The following NCAPG2 variants were observed in gnomAD, a reference collection of about 807,000 sequenced individuals.
The protein encoded by NCAPG2 is non-SMC condensin II complex subunit G2, also known as condensin-2 complex subunit G2.
Under a neutral mutation model 141.1 loss-of-function variants are expected in NCAPG2, and 53 were observed. That is an observed-to-expected ratio of 0.38 (90% CI 0.30 to 0.47). The LOEUF (loss-of-function observed/expected upper bound fraction) is 0.47, where lower values mean the gene tolerates loss of function less well. Among genes scored for constraint, NCAPG2 ranks in the 20% least tolerant of loss-of-function variants. The probability of loss-of-function intolerance (pLI) is 0.99; values close to 1 mark genes in which losing one functional copy is unlikely to be tolerated. For synonymous variants in NCAPG2, 499 were observed against 490.7 expected, an observed-to-expected ratio of 1.02 and a Z score of -0.22; for missense variants, 1,087 against 1,389.0, an observed-to-expected ratio of 0.78 and a Z score of 3.46.
intron 27 of NCAPG2, among the ~76,000 whole-genome samples, chr7:158,637,675 G>A (rs751282926): frequency 2.5e-4 from 25 of 99,670 alleles, no homozygotes; most frequent in South Asian, 3.3e-4. Flanking sequence ...ACAGAAGGCC[G>A]CTAACAATTT....
chr7:158,659,939 G>A (rs535205394), intron 16 of NCAPG2, among the ~76,000 whole-genome samples: 2 of 151,946 alleles, frequency 1.3e-5, no homozygotes, highest in Non-Finnish European at 2.9e-5. Flanking sequence ...GTGAAACCAC[G>A]TCTCTACTAA....
At chr7:158,678,109 T>TAAA (rs10549623) in intron 11 of NCAPG2, among the ~76,000 whole-genome samples, 1 of 148,322 alleles carries the variant, frequency 6.7e-6, no homozygotes. Context: ...TTTTTTATTT[T>TAAA]AAAAAAAAAA....
intron 27 of NCAPG2, chr7:158,640,002 A>T (rs1265368931): frequency 4.1e-6 from 1 of 244,644 alleles, no homozygotes; most frequent in East Asian, 1.8e-4. Context: ...AGACAATAAT[A>T]ACTGAGAATT....
At chr7:158,704,057 G>A (rs1482347494) in intron 1 of NCAPG2, among the ~76,000 whole-genome samples, 1 of 148,284 alleles carries the variant, frequency 6.7e-6, no homozygotes, top group East Asian at 2.0e-4. Flanking sequence ...TCTGAGGGCA[G>A]TGCCCATGCT....
chr7:158,657,528 T>C (rs1335574853), intron 17 of NCAPG2, among the ~76,000 whole-genome samples: 1 of 151,912 alleles, frequency 6.6e-6, no homozygotes, highest in Non-Finnish European at 1.5e-5. Context: ...TTGAGGGAGG[T>C]GGGGGGGTCA....
intron 2 of NCAPG2, 50 bp from the exon 3 acceptor site, chr7:158,693,547 T>C (rs1002964579): frequency 2.7e-6 from 4 of 1,474,152 alleles, no homozygotes; most frequent in Non-Finnish European, 3.7e-6. Flanking sequence ...AAATTAATCA[T>C]ATCCTTTTCA....
rs778859318 is a variant in NCAPG2, at chr7:158,652,278, G to A, written c.2934+15C>T. 6.2e-7 allele frequency: 1 copy of A among 1,610,342 alleles called. No individual in the cohort carries two copies. The highest frequency in any genetic ancestry group is 8.5e-7 in the Non-Finnish European group (1 of 1,178,760). ...AGCCCATCTAGCGAACCCCGTCCTG[G>A]GGAGTTCTGAGTACCCGCAGGCCTT... On this transcript the variant is annotated intron_variant, in intron 23 of 27. Transcript: ENST00000356309.
chr7:158,686,599 C>A (rs1331189885), intron 7 of NCAPG2, among the ~76,000 whole-genome samples: 1 of 152,180 alleles, frequency 6.6e-6, no homozygotes, highest in Non-Finnish European at 1.5e-5. Context: ...TTTCACGCTA[C>A]CAATTCCTGA....
chr7:158,657,636 C>T (rs1175558702), intron 17 of NCAPG2, among the ~76,000 whole-genome samples: 2 of 152,242 alleles, frequency 1.3e-5, no homozygotes, highest in Admixed American at 6.5e-5. Context: ...CTGGCCACCA[C>T]CCCGTCTGGG....
rs116730695 is a variant in NCAPG2 at position 158,664,201 on chromosome 7, C to G, written c.1798G>C (p.Glu600Gln). The G allele has an allele frequency of 6.0e-4, 963 of 1,611,100 alleles. No homozygotes were observed. The African/African-American group carries it at 0.011, about 18-fold the overall frequency. The stretch of plus-strand genomic sequence containing the variant: ...CTACTCACAGTCACATTCTCCTTCT[C>G]CCTTCCGTCCTCTTCCTCCTCGTCC... ...PEDEEEEDGR[E>Q]KENVTVLDKT... is the part of the protein sequence containing the mutation. The change falls in exon 15 of 28, where the codon GAG (glutamate) becomes CAG (glutamine). Residue 600 changes from glutamate to glutamine, a missense_variant. Coordinates refer to ENST00000356309, the MANE Select transcript of NCAPG2 (RefSeq NM_017760.7).
chr7:158,685,606 T>A (rs1228390229), intron 8 of NCAPG2, among the ~76,000 whole-genome samples: 1 of 152,188 alleles, frequency 6.6e-6, no homozygotes, highest in African/African-American at 2.4e-5. Context: ...AGTGTCAATG[T>A]TATGGAAATA....
rs540075189 is a variant in NCAPG2 at position 158,687,266 on chromosome 7, A to G, written c.767+82T>C. ...TTTCTAAAGCTTCTAATCCATTACTATAACTTAAGAAGTCAGACCAAATGG... is the reference window on the plus strand; with the variant it reads ...TTTCTAAAGCTTCTAATCCATTACTGTAACTTAAGAAGTCAGACCAAATGG... On this transcript the variant is annotated intron_variant, in intron 7 of 27. Transcript: ENST00000356309. 24 of 898,502 alleles carry G rather than the reference A, an allele frequency of 2.7e-5. No homozygotes were observed. The African/African-American group carries it at 3.5e-4, about 13-fold the overall frequency. The allele number at this position is 898,502 out of a possible 1,614,324, so 55.7% of individuals were successfully genotyped here. A position where few individuals can be genotyped will look rare whatever the true frequency, so the allele number is the denominator to read the frequency against.
chr7:158,642,532 CA>C (rs1383728664), intron 27 of NCAPG2, among the ~76,000 whole-genome samples: 1 of 145,026 alleles, frequency 6.9e-6, no homozygotes, highest in East Asian at 2.0e-4. Context: ...CATCTCAAAA[CA>C]AAAAACAAAA....
At chr7:158,665,856 C>G (rs979063681) in intron 13 of NCAPG2, among the ~76,000 whole-genome samples, 1 of 152,194 alleles carries the variant, frequency 6.6e-6, no homozygotes, top group African/African-American at 2.4e-5. Context: ...AAATCTGCAG[C>G]ATCTGACACT....
intron 8 of NCAPG2, 77 bp from the exon 9 acceptor site, chr7:158,683,463 G>A (rs2129467975): frequency 2.2e-6 from 2 of 923,790 alleles, no homozygotes; most frequent in South Asian, 4.0e-5. Flanking sequence ...TGCGGCATTT[G>A]AGTACAAAGA....
chr7:158,650,008 G>C (rs79561598), intron 24 of NCAPG2, among the ~76,000 whole-genome samples: 2,224 of 152,290 alleles, frequency 0.015, 28 homozygotes, highest in Admixed American at 0.024. Flanking sequence ...AGGAAAATAA[G>C]ATAGTCAGTA....
At chr7:158,668,515 T>A in intron 13 of NCAPG2, 1 of 796,122 alleles carries the variant, frequency 1.3e-6, no homozygotes, top group Non-Finnish European at 1.5e-6. Context: ...GAAAACAATA[T>A]GATGTCTGGA....
At chr7:158,681,770 TCTA>T (rs1345642754) in intron 9 of NCAPG2, among the ~76,000 whole-genome samples, 3 of 152,176 alleles carry the variant, frequency 2.0e-5, no homozygotes, top group African/African-American at 7.2e-5. Context: ...TGCCACAAAA[TCTA>T]CTGTTTTAAA....
At chr7:158,675,724 A>G (rs764766746) in intron 11 of NCAPG2, 68 bp from the exon 12 acceptor site, 68 of 1,488,866 alleles carry the variant, frequency 4.6e-5, no homozygotes, top group Non-Finnish European at 6.0e-5. Flanking sequence ...TCTGCTTCAC[A>G]CGTGAGCACT....
Sources: allele counts gnomAD v4.1 joint callset (sites outside exome capture counted in the v4.1 genomes callset), GRCh38; gene constraint gnomAD v4.1.1; transcripts MANE v1.5; gene names NCBI Gene and HGNC (gene_info 2026-07-23, HGNC 2026-07-21).